Variants in PITX3 observed in about 807,000 individuals in gnomAD.
The protein encoded by PITX3 is paired like homeodomain 3, also known as pituitary homeobox 3.
In PITX3, 4 loss-of-function variants were observed where a neutral mutation model predicts 14.2. That is an observed-to-expected ratio of 0.28 (90% CI 0.14 to 0.65). The LOEUF is 0.65. Ranked by LOEUF, PITX3 falls within the 30% of genes least tolerant of loss-of-function variation. The pLI is 0.82. For synonymous variants in PITX3, 194 were observed against 204.5 expected, an observed-to-expected ratio of 0.95 and a Z score of 0.44; for missense variants, 358 against 426.8, an observed-to-expected ratio of 0.84 and a Z score of 1.42.
intron 1 of PITX3, among the ~76,000 whole-genome samples, chr10:102,239,021 C>A (rs566799365): frequency 6.6e-6 from 1 of 152,318 alleles, no homozygotes; most frequent in East Asian, 1.9e-4. Context: ...GCCCCCTCAT[C>A]TCCAGTTTCA....
chr10:102,231,194 T>A, intron 3 of PITX3, 93 bp from the exon 4 acceptor site: 1 of 1,249,196 alleles, frequency 8.0e-7, no homozygotes, highest in South Asian at 1.6e-5. Context: ...GCCGGGGCCC[T>A]GCGGTCAATA....
intron 1 of PITX3, among the ~76,000 whole-genome samples, chr10:102,234,396 A>C (rs2070331879): frequency 6.6e-6 from 1 of 152,178 alleles, no homozygotes; most frequent in Non-Finnish European, 1.5e-5. Flanking sequence ...GTGAAGAGAC[A>C]GGGCTGGAGG....
chr10:102,236,447 T>C (rs575651485), intron 1 of PITX3, among the ~76,000 whole-genome samples: 1 of 152,336 alleles, frequency 6.6e-6, no homozygotes, highest in East Asian at 1.9e-4. Flanking sequence ...GTGAGGGATG[T>C]GTGGCCCAGT....
intron 1 of PITX3, among the ~76,000 whole-genome samples, chr10:102,233,034 A>G (rs1200820801): frequency 1.3e-5 from 2 of 152,208 alleles, no homozygotes; most frequent in African/African-American, 2.4e-5. Context: ...GCTTGTAAGC[A>G]GTGGGATTGA....
Position 102,230,281 on chromosome 10 carries a change from G to A in PITX3, c.*233C>T, listed in dbSNP as rs1159486667. The A allele has an allele frequency of 1.6e-5, 8 of 514,004 alleles. No individual in the cohort carries two copies. The highest frequency in any genetic ancestry group is 2.7e-5 in the Non-Finnish European group (8 of 299,884). The allele number at this position is 514,004 out of a possible 1,614,324, so 31.8% of individuals were successfully genotyped here. The stretch of plus-strand genomic sequence containing the variant: ...ATGGGCCAAGGGTGAGTTGGCCCCC[G>A]GGGAGCTGGTCCCTGTTCCTGGCTT... On this transcript the variant is annotated 3_prime_UTR_variant, in exon 4 of 4. Coordinates refer to ENST00000370002, the MANE Select transcript of PITX3 (RefSeq NM_005029.4).
chr10:102,234,592 T>G (rs1590406856), intron 1 of PITX3, among the ~76,000 whole-genome samples: 3 of 152,032 alleles, frequency 2.0e-5, no homozygotes, highest in Non-Finnish European at 4.4e-5. Context: ...GGAGGAAGGG[T>G]TAGAACTGAG....
rs750577758 is a variant in PITX3, at chr10:102,231,587, C to T, written c.321+1G>A. The T allele has an allele frequency of 6.3e-7, 1 of 1,590,118 alleles. No individual in the cohort carries two copies. Among genetic ancestry groups the T allele is most frequent in the Admixed American group, 1.7e-5 (1 of 57,582 alleles). ...GCGAGTCGCGGGTCTGGAGAGCATA[C>T]CCGCACGCGGGCCTCGGTGAGGTTG... On this transcript the variant is annotated splice_donor_variant, in intron 3 of 3. Coordinates refer to ENST00000370002, the MANE Select transcript of PITX3 (RefSeq NM_005029.4). LOFTEE classifies it high-confidence loss of function.
At chr10:102,231,476 G>C (rs1273615104) in intron 3 of PITX3, 112 bp downstream of exon 3, 16 of 710,568 alleles carry the variant, frequency 2.3e-5, no homozygotes, top group South Asian at 9.1e-5. Flanking sequence ...GCCAGGGTCC[G>C]GGGTCCGGGG....
intron 1 of PITX3, among the ~76,000 whole-genome samples, chr10:102,235,636 C>G (rs1285598369): frequency 6.6e-6 from 1 of 152,006 alleles, no homozygotes; most frequent in Non-Finnish European, 1.5e-5. Flanking sequence ...TTTTTCCTCA[C>G]TCATTAAACA....
intron 1 of PITX3, among the ~76,000 whole-genome samples, chr10:102,233,304 C>CTTTTTTTT (rs35379060): frequency 9.3e-6 from 1 of 107,908 alleles, no homozygotes. Flanking sequence ...TTTTTTCCTT[C>CTTTTTTTT]TTTTTTTTTT....
In PITX3 at chr10:102,231,538, T is replaced by C. The variant is rs1051992320; in HGVS notation, c.321+50A>G. On this transcript the variant is annotated intron_variant, in intron 3 of 3. Transcript: ENST00000370002. ...AACCGCTGGCCTCCGGGTCGCAGGC[T>C]GAGCGCGGAGGGCCCGCGCGGGTGC... 8 of 1,288,020 alleles carry C rather than the reference T, an allele frequency of 6.2e-6. No homozygotes were observed. The African/African-American group carries it at 1.0e-4, about 17-fold the overall frequency. 79.8% of individuals were successfully genotyped at this position (1,288,020 alleles called of 1,614,324 possible). A position where few individuals can be genotyped will look rare whatever the true frequency, so the allele number is the denominator to read the frequency against.
chr10:102,234,481 G>C (rs2070333767), intron 1 of PITX3, among the ~76,000 whole-genome samples: 4 of 152,184 alleles, frequency 2.6e-5, no homozygotes, highest in Admixed American at 2.6e-4. Flanking sequence ...GGTCGGGTCA[G>C]GTCAGGGGGT....
chr10:102,239,448 G>A (rs2070478556), intron 1 of PITX3, among the ~76,000 whole-genome samples: 1 of 152,184 alleles, frequency 6.6e-6, no homozygotes, highest in Non-Finnish European at 1.5e-5. Flanking sequence ...CACAGCAATG[G>A]GAGCACAAGC....
At position 102,241,422 on chromosome 10, in the gene PITX3, C is replaced by A. The variant is rs2070534036; in HGVS notation, c.-102G>T. On this transcript the variant is annotated 5_prime_UTR_variant, in exon 1 of 4. Coordinates refer to ENST00000370002, the MANE Select transcript of PITX3 (RefSeq NM_005029.4). This position sits in a 1 kb window ranked among gnomAD's most constrained non-coding sequence, Gnocchi z 6.7. ...AGGGGCCAGGGGCCGGGCACCCGGC[C>A]GGAGTGGGGGCCGCCCCCCTGCTCC... The A allele has an allele frequency of 6.5e-6, 1 of 152,690 alleles. No individual in the cohort carries two copies. Among genetic ancestry groups the A allele is most frequent in the Admixed American group, 6.5e-5 (1 of 15,286 alleles). The allele number at this position is 152,690 out of a possible 1,614,324, so 9.5% of individuals were successfully genotyped here. A position where few individuals can be genotyped will look rare whatever the true frequency, so the allele number is the denominator to read the frequency against.
At chr10:102,233,253 C>T (rs1297157860) in intron 1 of PITX3, among the ~76,000 whole-genome samples, 4 of 150,764 alleles carry the variant, frequency 2.7e-5, no homozygotes, top group East Asian at 1.9e-4. Context: ...GCTAGGGCAG[C>T]GCTGCTTTGG....
chr10:102,232,542 C>T (rs1029771108), intron 1 of PITX3, among the ~76,000 whole-genome samples: 3 of 151,998 alleles, frequency 2.0e-5, no homozygotes, highest in Non-Finnish European at 4.4e-5. Context: ...AATTGCTGGG[C>T]GGGGTGGCAC....
chr10:102,236,932 C>T (rs1451389318), intron 1 of PITX3, among the ~76,000 whole-genome samples: 4 of 152,124 alleles, frequency 2.6e-5, no homozygotes, highest in African/African-American at 9.7e-5. Context: ...TCATTAGGGA[C>T]GCTGAGCACC....
At chr10:102,235,621 A>G (rs1004847830) in intron 1 of PITX3, among the ~76,000 whole-genome samples, 3 of 152,212 alleles carry the variant, frequency 2.0e-5, no homozygotes, top group African/African-American at 7.2e-5. Context: ...CTACCTGAGT[A>G]GTTTTTTTTC....
At chr10:102,233,861 C>T (rs1276225555) in intron 1 of PITX3, among the ~76,000 whole-genome samples, 1 of 152,186 alleles carries the variant, frequency 6.6e-6, no homozygotes, top group Non-Finnish European at 1.5e-5. Flanking sequence ...CCAGGAGCCT[C>T]CCAGGGTCCT....
Sources: gnomAD v4.1 joint callset for allele counts (sites outside exome capture counted in the v4.1 genomes callset) on GRCh38, gnomAD v4.1.1 for gene constraint, Gnocchi (gnomAD v3.1) non-coding constraint, MANE v1.5 for transcripts, NCBI Gene and HGNC (gene_info 2026-07-23, HGNC 2026-07-21) for gene names.